HMOX2: variants seen among roughly 807,000 people sequenced by gnomAD.
HMOX2 encodes heme oxygenase 2.
Under a neutral mutation model 33.7 loss-of-function variants are expected in HMOX2, and 30 were observed. The ratio of observed to expected loss-of-function variants is 0.89; its 90% confidence interval spans 0.67 to 1.21. The LOEUF is 1.21. Ranked by LOEUF, HMOX2 falls within the 50% of genes most tolerant of loss-of-function variation. HMOX2 has a pLI of 0.00. For synonymous variants in HMOX2, 155 were observed against 155.0 expected, an observed-to-expected ratio of 1.00 and a Z score of 0.00; for missense variants, 403 against 399.1, an observed-to-expected ratio of 1.01 and a Z score of -0.08.
chr16:4,482,366 TC>T (rs1466812356), intron 1 of HMOX2, among the ~76,000 whole-genome samples: 1 of 152,198 alleles, frequency 6.6e-6, no homozygotes, highest in African/African-American at 2.4e-5. Flanking sequence ...AAGTCTTTTT[TC>T]TACTCTGTTC....
chr16:4,487,947 G>T (rs2058213239), intron 1 of HMOX2, among the ~76,000 whole-genome samples: 1 of 126,134 alleles, frequency 7.9e-6, no homozygotes, highest in Admixed American at 8.4e-5. Flanking sequence ...GCGAAACTCT[G>T]TCTCAAAAAA....
In HMOX2 at chr16:4,490,090, CAT is replaced by C. The variant is rs560565474; in HGVS notation, c.-42+13607_-42+13608del. On this transcript the variant is annotated intron_variant, in intron 1 of 5. Coordinates refer to ENST00000570646, the MANE Select transcript of HMOX2 (RefSeq NM_002134.4). Reference sequence around the variant, plus strand: ...AATGACCTGTAATCTGGAAAACAAACATATAAACATACACATACCATAACGAG... The same window carrying C: ...AATGACCTGTAATCTGGAAAACAAACATAAACATACACATACCATAACGAG... Among the ~76,000 whole-genome samples the C allele has an allele frequency of 1.3e-3, 191 of 152,292 alleles. 9 individuals carry two copies. The South Asian group carries it at 0.037, about 30-fold the overall frequency.
intron 1 of HMOX2, among the ~76,000 whole-genome samples, chr16:4,492,887 A>G (rs761042533): frequency 2.0e-5 from 3 of 152,126 alleles, no homozygotes; most frequent in Non-Finnish European, 4.4e-5. Context: ...AAATACAAAA[A>G]TTAATTGGGT....
At chr16:4,494,887 G>A (rs968894701) in intron 1 of HMOX2, among the ~76,000 whole-genome samples, 2 of 151,688 alleles carry the variant, frequency 1.3e-5, no homozygotes, top group African/African-American at 2.4e-5. Context: ...AAAAAAAAAA[G>A]TTTGGCCAGG....
intron 1 of HMOX2, among the ~76,000 whole-genome samples, chr16:4,486,036 TTTAAAC>T: frequency 6.6e-6 from 1 of 152,198 alleles, no homozygotes. Context: ...AGGCAACATT[TTTAAAC>T]CATACGATTG....
At chr16:4,506,746 T>G in intron 2 of HMOX2, 149 bp from the exon 3 acceptor site, 1 of 658,184 alleles carries the variant, frequency 1.5e-6, no homozygotes, top group Non-Finnish European at 2.8e-6. Flanking sequence ...GTTGCTGCTA[T>G]TTGTGTTGGA....
chr16:4,509,879 A>G lies in HMOX2; in HGVS notation c.*123A>G. 2.7e-6 allele frequency: 3 copies of G among 1,122,252 alleles called. No homozygotes were observed. The highest frequency in any genetic ancestry group is 3.1e-5 in the South Asian group (2 of 64,258). 69.5% of individuals were successfully genotyped at this position (1,122,252 alleles called of 1,614,324 possible). A position where few individuals can be genotyped will look rare whatever the true frequency, so the allele number is the denominator to read the frequency against. ...AAAAAATGCTGGGTTTAAGAAAGGCAACCAATAAAAGCCAGATGCTAGAGC... is the reference window on the plus strand; with the variant it reads ...AAAAAATGCTGGGTTTAAGAAAGGCGACCAATAAAAGCCAGATGCTAGAGC... On this transcript the variant is annotated 3_prime_UTR_variant, in exon 6 of 6. Transcript: ENST00000570646.
In HMOX2 at chr16:4,509,336, T is replaced by C. The variant is rs188480571; in HGVS notation, c.697-76T>C. 3,313 of 1,546,892 alleles carry C rather than the reference T, an allele frequency of 2.1e-3. 5 individuals carry two copies. The highest frequency in any genetic ancestry group is 2.7e-3 in the Non-Finnish European group (3,141 of 1,150,522). ...TCTAGCCTGGGCAACAGAGACCTCA[T>C]CTCAAAAGACATTTAAAAAAAAAAA... On this transcript the variant is annotated intron_variant, in intron 4 of 5. Transcript: ENST00000570646.
intron 1 of HMOX2, among the ~76,000 whole-genome samples, chr16:4,501,638 T>C (rs1400007262): frequency 6.6e-6 from 1 of 152,120 alleles, no homozygotes; most frequent in Non-Finnish European, 1.5e-5. Context: ...TCTAAAAAGG[T>C]TCTATATTTA....
At chr16:4,505,449 G>A in intron 1 of HMOX2, 35 bp from the exon 2 acceptor site, 1 of 1,074,436 alleles carries the variant, frequency 9.3e-7, no homozygotes, top group Non-Finnish European at 1.4e-6. Flanking sequence ...TGACTGCCGT[G>A]GGTGCCACAT....
chr16:4,494,142 C>T (rs2058364163), intron 1 of HMOX2, among the ~76,000 whole-genome samples: 1 of 151,970 alleles, frequency 6.6e-6, no homozygotes, highest in South Asian at 2.1e-4. Flanking sequence ...CGGTGAAACC[C>T]CGTATCTACT....
intron 1 of HMOX2, among the ~76,000 whole-genome samples, chr16:4,490,894 A>G (rs368945921): frequency 9.9e-5 from 15 of 152,190 alleles, no homozygotes; most frequent in African/African-American, 3.6e-4. Context: ...ATTTTGGGCT[A>G]GATTGTTTGT....
intron 1 of HMOX2, among the ~76,000 whole-genome samples, chr16:4,500,351 G>C (rs1252714729): frequency 6.6e-6 from 1 of 152,172 alleles, no homozygotes; most frequent in African/African-American, 2.4e-5. Flanking sequence ...TCTCTGAGCA[G>C]CCACTTAGCC....
intron 1 of HMOX2, chr16:4,502,998 G>T (rs1033969143): frequency 5.3e-5 from 8 of 152,346 alleles, no homozygotes; most frequent in East Asian, 3.9e-4. Flanking sequence ...TGTATTTTTA[G>T]TAGAGACAGG....
intron 3 of HMOX2, 61 bp downstream of exon 3, chr16:4,507,073 C>T: frequency 8.8e-7 from 1 of 1,136,512 alleles, no homozygotes; most frequent in Non-Finnish European, 1.3e-6. Context: ...GCCTTGGTCC[C>T]ATGAGAAAAG....
chr16:4,489,812 A>G (rs1295716725), intron 1 of HMOX2, among the ~76,000 whole-genome samples: 1 of 151,906 alleles, frequency 6.6e-6, no homozygotes, highest in Non-Finnish European at 1.5e-5. Flanking sequence ...AGATCTCCAT[A>G]TGTTACCCAG....
chr16:4,504,351 T>C (rs968795270), intron 1 of HMOX2, among the ~76,000 whole-genome samples: 3 of 145,612 alleles, frequency 2.1e-5, no homozygotes, highest in African/African-American at 5.0e-5. Flanking sequence ...TTGGTAACTT[T>C]CAATTTTTTT....
chr16:4,499,986 A>G (rs1282538758), intron 1 of HMOX2, among the ~76,000 whole-genome samples: 2 of 152,212 alleles, frequency 1.3e-5, no homozygotes, highest in Non-Finnish European at 2.9e-5. Flanking sequence ...TGGCTTTCTC[A>G]GTAGGAACTC....
At chr16:4,485,289 AGGTT>A in intron 1 of HMOX2, among the ~76,000 whole-genome samples, 1 of 152,000 alleles carries the variant, frequency 6.6e-6, no homozygotes, top group East Asian at 1.9e-4. Flanking sequence ...TTTTAATCTG[AGGTT>A]GGTTGAATCC....
Sources: allele counts gnomAD v4.1 joint callset (sites outside exome capture counted in the v4.1 genomes callset), GRCh38; gene constraint gnomAD v4.1.1; transcripts MANE v1.5; gene names NCBI Gene and HGNC (gene_info 2026-07-23, HGNC 2026-07-21).